Variants in RAVER2 observed in about 807,000 individuals in gnomAD.
RAVER2 encodes the protein ribonucleoprotein PTB-binding 2.
Under a neutral mutation model 78.1 loss-of-function variants are expected in RAVER2, and 46 were observed. That is an observed-to-expected ratio of 0.59 (90% CI 0.46 to 0.75). The LOEUF (loss-of-function observed/expected upper bound fraction) is 0.75, where lower values mean the gene tolerates loss of function less well. RAVER2 is among the 30% of genes least tolerant of loss of function. RAVER2 has a pLI of 0.00. For synonymous variants in RAVER2, 311 were observed against 313.3 expected (o/e 0.99, Z 0.08); for missense variants, 793 against 837.5 (o/e 0.95, Z 0.66).
intron 1 of RAVER2, among the ~76,000 whole-genome samples, chr1:64,751,270 T>G (rs1475787681): frequency 2.6e-5 from 4 of 152,244 alleles, no homozygotes; most frequent in African/African-American, 9.6e-5. Flanking sequence ...GATTGTTTAT[T>G]AAGTGTAAGA....
intron 1 of RAVER2, among the ~76,000 whole-genome samples, chr1:64,758,196 A>G (rs1651907947): frequency 6.6e-6 from 1 of 152,254 alleles, no homozygotes; most frequent in African/African-American, 2.4e-5. Context: ...GTAAGTGTAC[A>G]GTAAATGCTA....
chr1:64,759,395 A>G (rs1570530174), intron 1 of RAVER2, among the ~76,000 whole-genome samples: 2 of 146,758 alleles, frequency 1.4e-5, no homozygotes, highest in Admixed American at 1.4e-4. Flanking sequence ...TAATTTTTGT[A>G]TTTTTAGTAG....
intron 1 of RAVER2, among the ~76,000 whole-genome samples, chr1:64,751,497 G>A (rs1651697337): frequency 6.6e-6 from 1 of 152,106 alleles, no homozygotes; most frequent in African/African-American, 2.4e-5. Context: ...CTGCAAAAGG[G>A]GTTCCTATTA....
At chr1:64,796,454 A>G (rs190004464) in intron 5 of RAVER2, among the ~76,000 whole-genome samples, 1 of 152,240 alleles carries the variant, frequency 6.6e-6, no homozygotes, top group East Asian at 1.9e-4. Context: ...TTAATATGTA[A>G]GAGCTATTTC....
rs1324046477 is a variant in RAVER2, at chr1:64,812,728, T to G, written c.1681-10T>G. The G allele has an allele frequency of 6.3e-7, 1 of 1,596,206 alleles. No individual in the cohort carries two copies. Among genetic ancestry groups the G allele is most frequent in the African/African-American group, 1.3e-5 (1 of 74,322 alleles). The stretch of plus-strand genomic sequence containing the variant: ...CATTAAGTACTCCCTCCTTTGTTTT[T>G]GTTAAATAGGCTGCCTCTAAGAATC... On this transcript the variant is annotated splice_polypyrimidine_tract_variant and intron_variant, in intron 9 of 11. Coordinates refer to ENST00000294428, the Ensembl canonical transcript of RAVER2.
chr1:64,799,914 T>G (rs1653211707), intron 5 of RAVER2, among the ~76,000 whole-genome samples: 1 of 152,164 alleles, frequency 6.6e-6, no homozygotes, highest in African/African-American at 2.4e-5. Flanking sequence ...TCACTAGCAT[T>G]TATTATTTGT....
intron 1 of RAVER2, among the ~76,000 whole-genome samples, chr1:64,754,595 T>C (rs1651798952): frequency 2.0e-5 from 3 of 152,218 alleles, no homozygotes; most frequent in Admixed American, 2.0e-4. Flanking sequence ...GTCAACTGTT[T>C]ATGGCTTAAG....
intron 3 of RAVER2, among the ~76,000 whole-genome samples, chr1:64,779,738 G>A (rs969521769): frequency 2.0e-5 from 3 of 151,420 alleles, no homozygotes; most frequent in African/African-American, 4.9e-5. Flanking sequence ...AAGCAGATGC[G>A]AAGAGAAAAG....
chr1:64,754,076 A>C (rs1651782325), intron 1 of RAVER2, among the ~76,000 whole-genome samples: 1 of 152,166 alleles, frequency 6.6e-6, no homozygotes, highest in Non-Finnish European at 1.5e-5. Context: ...TTGGGGGCCT[A>C]CCATTGCCAG....
At chr1:64,810,965 T>C (rs985287209) in intron 9 of RAVER2, among the ~76,000 whole-genome samples, 8 of 151,922 alleles carry the variant, frequency 5.3e-5, no homozygotes, top group Admixed American at 3.9e-4. Context: ...ATTGAAAAAA[T>C]TAAGAAAAAG....
intron 4 of RAVER2, among the ~76,000 whole-genome samples, chr1:64,788,791 CAAA>C (rs35159558): frequency 1.5e-4 from 17 of 109,898 alleles, no homozygotes; most frequent in Non-Finnish European, 1.4e-4. Flanking sequence ...GACTCCGTCT[CAAA>C]AAAAAAAAAA....
chr1:64,775,187 C>A (rs1173597647), intron 2 of RAVER2, among the ~76,000 whole-genome samples: 3 of 152,070 alleles, frequency 2.0e-5, no homozygotes, highest in Non-Finnish European at 2.9e-5. Flanking sequence ...GGATGAAAAT[C>A]GTGAGTTATG....
At chr1:64,818,092 T>C (rs1653796146) in intron 11 of RAVER2, among the ~76,000 whole-genome samples, 1 of 152,156 alleles carries the variant, frequency 6.6e-6, no homozygotes, top group South Asian at 2.1e-4. Flanking sequence ...CTGCTCTGCT[T>C]ATGGATTAGG....
At chr1:64,755,041 G>A (rs1651813950) in intron 1 of RAVER2, among the ~76,000 whole-genome samples, 1 of 152,160 alleles carries the variant, frequency 6.6e-6, no homozygotes, top group East Asian at 1.9e-4. Context: ...TCTGTGCCTG[G>A]CCCAGAGTGG....
At chr1:64,776,824 CA>C (rs1321075477) in intron 2 of RAVER2, among the ~76,000 whole-genome samples, 1 of 152,054 alleles carries the variant, frequency 6.6e-6, no homozygotes, top group African/African-American at 2.4e-5. Context: ...TATGAATGTA[CA>C]TAATATTTCA....
At chr1:64,828,157 A>AC (rs200329508) in intron 11 of RAVER2, among the ~76,000 whole-genome samples, 7,481 of 51,230 alleles carry the variant, frequency 0.15, 270 homozygotes, top group Admixed American at 0.27. Context: ...TTTCAAACCC[A>AC]CCCCCCCCAC....
In RAVER2 at chr1:64,804,951, C is replaced by T. The variant is rs764390220; in HGVS notation, c.1297-40C>T. 2.5e-6 allele frequency: 4 copies of T among 1,586,464 alleles called. No individual in the cohort carries two copies. In the Admixed American group the frequency reaches 5.1e-5, roughly 20 times the overall value. On this transcript the variant is annotated intron_variant, in intron 7 of 11. Coordinates refer to ENST00000294428, the Ensembl canonical transcript of RAVER2. ...GTGTGTAGCTTTTTTTAGGTTATAT[C>T]TTATGGCCATGGGTCTTACCTTTTT... is the stretch of plus-strand genomic sequence containing the variant.
chr1:64,824,959 A>AAAT (rs1653974640), intron 11 of RAVER2, among the ~76,000 whole-genome samples: 2 of 139,420 alleles, frequency 1.4e-5, no homozygotes, highest in Admixed American at 1.5e-4. Context: ...AAAAAAAAAA[A>AAAT]TTAGTGCTGT....
At chr1:64,833,052 A>AATC (rs763222571) in exon 12 of RAVER2, 7 of 177,386 alleles carry the variant, frequency 3.9e-5, no homozygotes, top group Admixed American at 6.3e-5. Context: ...CCCCGTTATC[A>AATC]ATCACTGGGC....
Sources: gnomAD v4.1 joint callset for allele counts (sites outside exome capture counted in the v4.1 genomes callset) on GRCh38, gnomAD v4.1.1 for gene constraint, MANE v1.5 for transcripts, NCBI Gene and HGNC (gene_info 2026-07-23, HGNC 2026-07-21) for gene names.